Variants in OCA2 observed in about 807,000 individuals in gnomAD.
OCA2 encodes the protein P protein.
Under a neutral mutation model 100.2 loss-of-function variants are expected in OCA2, and 77 were observed. The ratio of observed to expected loss-of-function variants is 0.77; its 90% CI spans 0.64 to 0.93. The LOEUF (loss-of-function observed/expected upper bound fraction) is 0.93. Ranked by LOEUF, OCA2 falls within the 40% of genes least tolerant of loss-of-function variation. The pLI, the probability that OCA2 is intolerant of heterozygous loss-of-function variation, is 0.00. For synonymous variants in OCA2, 432 were observed against 439.2 expected, an observed-to-expected ratio of 0.98 and a Z score of 0.21; for missense variants, 1,062 against 1,089.1, an observed-to-expected ratio of 0.98 and a Z score of 0.35.
Position 27,989,636 on chromosome 15 carries a change from T to C in OCA2, c.1147A>G (p.Ile383Val), listed in dbSNP as rs1322187908. Residue 383 changes from isoleucine to valine, a missense_variant, in exon 11 of 24, where the codon ATT becomes GTT. Transcript: ENST00000354638. ...RPSLTHVVEW[I>V]DFETLALLFG... ...AGCAGGGCCAGCGTCTCAAAATCAATCCACTCCACCACATGGGTCAGGCTG... is the reference window on the plus strand; with the variant it reads ...AGCAGGGCCAGCGTCTCAAAATCAACCCACTCCACCACATGGGTCAGGCTG... 1 of 1,613,952 alleles carries C rather than the reference T, an allele frequency of 6.2e-7. No homozygotes were observed. Among genetic ancestry groups the C allele is most frequent in the Non-Finnish European group, 8.5e-7 (1 of 1,180,012 alleles).
chr15:27,884,534 C>G (rs2037147980), intron 19 of OCA2, among the ~76,000 whole-genome samples: 1 of 152,116 alleles, frequency 6.6e-6, no homozygotes, highest in African/African-American at 2.4e-5. Flanking sequence ...TTAAATGACC[C>G]TCATGTTTAT....
intron 2 of OCA2, among the ~76,000 whole-genome samples, chr15:28,070,382 C>T (rs1235956729): frequency 2.9e-5 from 4 of 139,128 alleles, no homozygotes; most frequent in African/African-American, 1.1e-4. Flanking sequence ...CCCGGCCGCC[C>T]CTACTGGGAA....
chr15:27,806,980 C>T (rs2151200555), intron 23 of OCA2, among the ~76,000 whole-genome samples: 1 of 152,266 alleles, frequency 6.6e-6, no homozygotes, highest in South Asian at 2.1e-4. Flanking sequence ...GGGTCCTGCC[C>T]ACCTCAGACC....
intron 1 of OCA2, among the ~76,000 whole-genome samples, chr15:28,087,433 G>T (rs945295989): frequency 3.3e-5 from 5 of 152,178 alleles, no homozygotes; most frequent in African/African-American, 1.2e-4. Context: ...ATACATTTTA[G>T]AACATCAGGA....
intron 9 of OCA2, among the ~76,000 whole-genome samples, chr15:28,004,828 C>G (rs565643407): frequency 6.6e-6 from 1 of 152,184 alleles, no homozygotes; most frequent in East Asian, 1.9e-4. Context: ...AATACACATA[C>G]TCATGTACTA....
intron 19 of OCA2, among the ~76,000 whole-genome samples, 186 bp from the exon 20 acceptor site, chr15:27,872,108 T>A (rs1192898876): frequency 6.6e-6 from 1 of 152,214 alleles, no homozygotes; most frequent in Non-Finnish European, 1.5e-5. Flanking sequence ...CAACGAAGAT[T>A]CATGGAGAAA....
intron 23 of OCA2, among the ~76,000 whole-genome samples, chr15:27,763,912 G>C (rs926141376): frequency 6.6e-6 from 1 of 152,266 alleles, no homozygotes; most frequent in African/African-American, 2.4e-5. Context: ...CAGGAGAGCT[G>C]ATCACCCCAG....
chr15:27,722,796 CTCTCTT>C, the OCA2 span, among the ~76,000 whole-genome samples: 8 of 138,040 alleles, frequency 5.8e-5, no homozygotes, highest in South Asian at 2.3e-4. Flanking sequence ...CTCTCTCTCT[CTCTCTT>C]TCTCTCTCTC....
chr15:27,789,294 A>G (rs2151120127), intron 23 of OCA2, among the ~76,000 whole-genome samples: 1 of 152,218 alleles, frequency 6.6e-6, no homozygotes, highest in East Asian at 1.9e-4. Context: ...AGGTATGCCA[A>G]CAATTAATTC....
chr15:28,079,991 G>A (rs527418241), intron 2 of OCA2, among the ~76,000 whole-genome samples: 2 of 152,298 alleles, frequency 1.3e-5, no homozygotes, highest in African/African-American at 4.8e-5. Context: ...CAAGAAGTGA[G>A]GTCAAAGAAC....
intron 4 of OCA2, among the ~76,000 whole-genome samples, 198 bp from the exon 5 acceptor site, chr15:28,025,100 G>A (rs1167763466): frequency 1.3e-5 from 2 of 152,190 alleles, no homozygotes; most frequent in Non-Finnish European, 2.9e-5. Context: ...CATGGTGGAG[G>A]TTCCAGAGGA....
intron 23 of OCA2, among the ~76,000 whole-genome samples, chr15:27,796,216 G>A (rs935814583): frequency 6.6e-6 from 1 of 152,240 alleles, no homozygotes; most frequent in African/African-American, 2.4e-5. Context: ...GGACATCCAT[G>A]CTAATTTATT....
At chr15:28,075,276 A>G in intron 2 of OCA2, among the ~76,000 whole-genome samples, 1 of 151,738 alleles carries the variant, frequency 6.6e-6, no homozygotes, top group Non-Finnish European at 1.5e-5. Context: ...TGCATTTTAT[A>G]AAAAAAAGTT....
chr15:27,913,046 A>C (rs555090647), intron 19 of OCA2, among the ~76,000 whole-genome samples: 1 of 152,356 alleles, frequency 6.6e-6, no homozygotes, highest in African/African-American at 2.4e-5. Flanking sequence ...AATACTTTTC[A>C]AAAGGGTCCA....
At chr15:27,795,700 C>T (rs2033300390) in intron 23 of OCA2, among the ~76,000 whole-genome samples, 1 of 152,216 alleles carries the variant, frequency 6.6e-6, no homozygotes, top group Non-Finnish European at 1.5e-5. Context: ...AGAAGCAGAG[C>T]TCCAAGGGGT....
chr15:27,724,973 G>T, the OCA2 span, among the ~76,000 whole-genome samples: 8,453 of 152,134 alleles, frequency 0.056, 849 homozygotes, highest in African/African-American at 0.19. Context: ...TGTTCTCTTG[G>T]TTGAGGTAAG....
chr15:27,899,964 A>T (rs2037860723), intron 19 of OCA2, among the ~76,000 whole-genome samples: 1 of 152,148 alleles, frequency 6.6e-6, no homozygotes, highest in East Asian at 1.9e-4. Context: ...AGCTCAGTGG[A>T]TTTGCGGGTC....
chr15:27,952,775 G>A (rs1213139987), intron 17 of OCA2, among the ~76,000 whole-genome samples: 1 of 151,934 alleles, frequency 6.6e-6, no homozygotes, highest in African/African-American at 2.4e-5. Flanking sequence ...GCCTCCCAGG[G>A]TCACGTGATC....
At chr15:27,787,503 T>G (rs1331781385) in intron 23 of OCA2, among the ~76,000 whole-genome samples, 1 of 152,072 alleles carries the variant, frequency 6.6e-6, no homozygotes, top group African/African-American at 2.4e-5. Context: ...ATGTAGCCAT[T>G]TTATCTAAGT....
Sources: allele counts gnomAD v4.1 joint callset (sites outside exome capture counted in the v4.1 genomes callset), GRCh38; gene constraint gnomAD v4.1.1; transcripts MANE v1.5; gene names NCBI Gene and HGNC (gene_info 2026-07-23, HGNC 2026-07-21).